Variants in GALK2 observed in about 807,000 individuals in gnomAD.
GALK2 encodes the protein N-acetylgalactosamine kinase.
GALK2 carries 36 observed loss-of-function variants against 52.4 expected under a neutral mutation model. The observed-to-expected ratio is 0.69, with a 90% CI of 0.53 to 0.91. GALK2 has a LOEUF of 0.91. GALK2 is among the 40% of genes least tolerant of loss of function. The pLI is 0.00. For synonymous variants in GALK2, 176 were observed against 199.1 expected (o/e 0.88, Z 0.98); for missense variants, 579 against 559.1 (o/e 1.04, Z -0.36).
intron 3 of GALK2, among the ~76,000 whole-genome samples, chr15:49,228,660 G>GATATATATATATATATATAT (rs34288229): frequency 2.1e-4 from 3 of 14,224 alleles, no homozygotes; most frequent in African/African-American, 1.4e-3. Flanking sequence ...GTCTTTCACT[G>GATATATATATATATATATAT]ATATATATAT....
Position 49,278,737 on chromosome 15 carries a change from AC to A in GALK2, c.505-3247del, listed in dbSNP as rs146826259. 2.8e-3 allele frequency among the ~76,000 whole-genome samples: 425 copies of A among 152,296 alleles called. 18 individuals are homozygous for A. In the East Asian group the frequency reaches 0.077, roughly 28 times the overall value. Reference sequence around the variant, plus strand: ...TTACTAGCCTAGTCTCAGCTAATAAACCCACTCAGTTTCCTAATCTGTAAGC... The same window carrying A: ...TTACTAGCCTAGTCTCAGCTAATAAACCACTCAGTTTCCTAATCTGTAAGC... On this transcript the variant is annotated intron_variant, in intron 5 of 9. Coordinates refer to ENST00000560031, the MANE Select transcript of GALK2 (RefSeq NM_002044.4).
chr15:49,299,848 A>C (rs2034948105), intron 8 of GALK2, among the ~76,000 whole-genome samples: 1 of 140,688 alleles, frequency 7.1e-6, no homozygotes, highest in Non-Finnish European at 1.5e-5. Context: ...ATTTGTTGAG[A>C]ATTACTTTAT....
At chr15:49,262,240 T>G (rs2092147840) in intron 5 of GALK2, among the ~76,000 whole-genome samples, 1 of 152,212 alleles carries the variant, frequency 6.6e-6, no homozygotes, top group African/African-American at 2.4e-5. Flanking sequence ...TTGCCACAAT[T>G]TCAGAGCCTG....
intron 5 of GALK2, among the ~76,000 whole-genome samples, chr15:49,274,653 G>T (rs1254284691): frequency 6.6e-6 from 1 of 152,082 alleles, no homozygotes; most frequent in Non-Finnish European, 1.5e-5. Context: ...AAAAATTTTT[G>T]ACTCTTGTAA....
chr15:49,348,525 T>C (rs2041842946), intron 3 of GALK2, among the ~76,000 whole-genome samples: 4 of 152,162 alleles, frequency 2.6e-5, no homozygotes, highest in Non-Finnish European at 5.9e-5. Flanking sequence ...AACTAGAATA[T>C]AGGTTTCTAC....
At position 49,180,797 on chromosome 15, in the gene GALK2, A is replaced by G. The variant is rs550011058; in HGVS notation, c.53+10422A>G. Among the ~76,000 whole-genome samples, 65 of 152,236 alleles carry G rather than the reference A, an allele frequency of 4.3e-4. 1 individual carries two copies. The South Asian group carries it at 0.013, about 31-fold the overall frequency. ...CTTCACCGTACCCCACCTGTCTGAC[A>G]TCATCCTTTAAAATTTATTTCAAAC... On this transcript the variant is annotated intron_variant, in intron 1 of 9. Coordinates refer to ENST00000560031, the MANE Select transcript of GALK2 (RefSeq NM_002044.4).
intron 3 of GALK2, among the ~76,000 whole-genome samples, chr15:49,348,019 CAAAAAAAAA>C (rs67614443): frequency 1.4e-5 from 1 of 70,100 alleles, no homozygotes; most frequent in South Asian, 5.8e-4. Flanking sequence ...AACTCTGTCT[CAAAAAAAAA>C]AAAAAAAAAA....
chr15:49,279,856 T>C (rs1230323044), intron 5 of GALK2, among the ~76,000 whole-genome samples: 4 of 152,250 alleles, frequency 2.6e-5, no homozygotes, highest in Admixed American at 2.0e-4. Flanking sequence ...AATGTACATA[T>C]TATGGACACT....
At chr15:49,353,760 A>G (rs1225626845) in intron 3 of GALK2, 1 of 151,030 alleles carries the variant, frequency 6.6e-6, no homozygotes, top group Non-Finnish European at 1.5e-5. Flanking sequence ...AAATAACTAG[A>G]TGGGAGGGTT....
At chr15:49,213,115 A>C (rs1213117369) in intron 2 of GALK2, among the ~76,000 whole-genome samples, 1 of 152,200 alleles carries the variant, frequency 6.6e-6, no homozygotes, top group Non-Finnish European at 1.5e-5. Flanking sequence ...ATTATTCTAT[A>C]GGCATCTATC....
intron 1 of GALK2, chr15:49,156,600 TCA>T (rs2084462169): frequency 1.9e-6 from 1 of 517,120 alleles, no homozygotes; most frequent in South Asian, 1.5e-5. Flanking sequence ...CCAAAGAAAT[TCA>T]GATTGCCGAA....
intron 3 of GALK2, chr15:49,364,984 G>C (rs2044877471): frequency 2.5e-6 from 1 of 396,294 alleles, no homozygotes; most frequent in African/African-American, 2.0e-5. Context: ...TGATGTAACT[G>C]TCAGTACCAG....
chr15:49,184,985 A>C (rs1219357630), intron 1 of GALK2, among the ~76,000 whole-genome samples: 1 of 152,132 alleles, frequency 6.6e-6, no homozygotes, highest in Non-Finnish European at 1.5e-5. Flanking sequence ...TTTTTAAAAA[A>C]ATTAACTTCT....
intron 1 of GALK2, among the ~76,000 whole-genome samples, chr15:49,159,588 A>T (rs3105860): frequency 0.36 from 53,356 of 147,080 alleles, 10,270 homozygotes; most frequent in East Asian, 0.58. Flanking sequence ...AAAAAAAAAA[A>T]AAAATAAAAT....
At chr15:49,216,238 A>T (rs1006695696) in intron 2 of GALK2, among the ~76,000 whole-genome samples, 1 of 152,048 alleles carries the variant, frequency 6.6e-6, no homozygotes, top group African/African-American at 2.4e-5. Context: ...GGCCCAAGGG[A>T]TCTTTAGTGA....
At chr15:49,177,247 C>G (rs1420249698) in intron 1 of GALK2, among the ~76,000 whole-genome samples, 1 of 151,942 alleles carries the variant, frequency 6.6e-6, no homozygotes, top group Non-Finnish European at 1.5e-5. Context: ...ATTTATTTAA[C>G]TACTTTTTGC....
rs1427083036 is a variant in GALK2, at chr15:49,329,544, G to A, written c.*1385G>A. 2.0e-6 allele frequency: 2 copies of A among 985,044 alleles called. No homozygotes were observed. The highest frequency in any genetic ancestry group is 3.5e-5 in the African/African-American group (2 of 57,196). 61.0% of individuals were successfully genotyped at this position (985,044 alleles called of 1,614,324 possible). A position where few individuals can be genotyped will look rare whatever the true frequency, so the allele number is the denominator to read the frequency against. On this transcript the variant is annotated 3_prime_UTR_variant, in exon 10 of 10. Coordinates refer to ENST00000560031, the MANE Select transcript of GALK2 (RefSeq NM_002044.4). Reference sequence around the variant, plus strand: ...GCAAAGCTAGTTTTATTTCTTAAAGGATAACAGTCATACATAGAATACTAG... The same window carrying A: ...GCAAAGCTAGTTTTATTTCTTAAAGAATAACAGTCATACATAGAATACTAG...
intron 5 of GALK2, among the ~76,000 whole-genome samples, chr15:49,276,260 CCCTTCTTCATTA>C (rs1393503670): frequency 2.0e-5 from 3 of 152,120 alleles, no homozygotes; most frequent in Non-Finnish European, 4.4e-5. Context: ...GGGAGTGAAC[CCCTTCTTCATTA>C]GAGCTTTGCT....
chr15:49,220,262 C>T (rs1458118912), intron 3 of GALK2, among the ~76,000 whole-genome samples: 7 of 151,948 alleles, frequency 4.6e-5, no homozygotes, highest in South Asian at 4.2e-4. Flanking sequence ...TTTTATCCCC[C>T]GTTCACTGAC....
Sources: allele counts gnomAD v4.1 joint callset (sites outside exome capture counted in the v4.1 genomes callset), GRCh38; gene constraint gnomAD v4.1.1; transcripts MANE v1.5; gene names NCBI Gene and HGNC (gene_info 2026-07-23, HGNC 2026-07-21).